TWIST2: variants seen among roughly 807,000 people sequenced by gnomAD.
TWIST2 encodes twist family bHLH transcription factor 2, also known as twist-related protein 2.
In TWIST2, 1 loss-of-function variant was observed where a neutral mutation model predicts 11.6. The observed-to-expected ratio is 0.09, with a 90% confidence interval of 0.03 to 0.41. The LOEUF is 0.41. Among genes scored for constraint, TWIST2 ranks in the 10% least tolerant of loss-of-function variants. The pLI is 0.98. For synonymous variants in TWIST2, 87 were observed against 96.6 expected (o/e 0.90, Z 0.58); for missense variants, 168 against 226.4 (o/e 0.74, Z 1.66).
intron 1 of TWIST2, among the ~76,000 whole-genome samples, chr2:238,872,865 G>A (rs1015856771): frequency 6.6e-6 from 1 of 152,202 alleles, no homozygotes; most frequent in Non-Finnish European, 1.5e-5. Flanking sequence ...ATCATGTGGG[G>A]CAGCTGCAGG....
chr2:238,899,313 C>A (rs1693242498), intron 1 of TWIST2, among the ~76,000 whole-genome samples: 1 of 152,266 alleles, frequency 6.6e-6, no homozygotes, highest in African/African-American at 2.4e-5. Flanking sequence ...GGGAAGAAAA[C>A]AGCTCCTTGC....
At chr2:238,852,949 A>T (rs1225646432) in intron 1 of TWIST2, among the ~76,000 whole-genome samples, 1 of 152,216 alleles carries the variant, frequency 6.6e-6, no homozygotes, top group Non-Finnish European at 1.5e-5. Context: ...TACTACTAAG[A>T]TTTATCTCAG....
At chr2:238,904,239 T>G (rs1312304834) in intron 1 of TWIST2, among the ~76,000 whole-genome samples, 1 of 117,258 alleles carries the variant, frequency 8.5e-6, no homozygotes, top group Admixed American at 9.5e-5. Context: ...TGATGTGGGG[T>G]GTGTGTGATG....
chr2:238,849,477 C>T (rs1228621707), intron 1 of TWIST2, among the ~76,000 whole-genome samples: 1 of 152,178 alleles, frequency 6.6e-6, no homozygotes, highest in Non-Finnish European at 1.5e-5. Context: ...CCGCGCGGAG[C>T]CCCAGGGCGC....
intron 1 of TWIST2, among the ~76,000 whole-genome samples, chr2:238,904,712 TCAA>T (rs1211035477): frequency 1.3e-5 from 2 of 152,088 alleles, no homozygotes; most frequent in African/African-American, 4.8e-5. Context: ...CTCAGCTTTT[TCAA>T]CAACTAGCAG....
intron 1 of TWIST2, among the ~76,000 whole-genome samples, chr2:238,870,160 ACACACAC>A (rs1692627581): frequency 1.4e-5 from 1 of 69,178 alleles, no homozygotes. Context: ...ACCACACCCC[ACACACAC>A]CACACACCCC....
At chr2:238,883,730 G>A (rs956413584) in intron 1 of TWIST2, among the ~76,000 whole-genome samples, 10 of 152,186 alleles carry the variant, frequency 6.6e-5, no homozygotes, top group Admixed American at 3.3e-4. Flanking sequence ...ATCCTGAGAG[G>A]ACCCTGGGGA....
intron 1 of TWIST2, among the ~76,000 whole-genome samples, chr2:238,870,576 CACA>C (rs1692660431): frequency 2.0e-5 from 1 of 51,164 alleles, no homozygotes; most frequent in Non-Finnish European, 3.9e-5. Context: ...CACCACACAC[CACA>C]CACACACACC....
chr2:238,874,902 C>G (rs1040399352), intron 1 of TWIST2, among the ~76,000 whole-genome samples: 2 of 152,138 alleles, frequency 1.3e-5, no homozygotes, highest in Non-Finnish European at 2.9e-5. Flanking sequence ...GTGCCTCCCT[C>G]TCTGCCACAC....
chr2:238,880,293 G>T (rs1431532539), intron 1 of TWIST2, among the ~76,000 whole-genome samples: 3 of 149,472 alleles, frequency 2.0e-5, no homozygotes, highest in African/African-American at 7.4e-5. Context: ...ATTAGTGTTA[G>T]TGTTATTGTT....
At chr2:238,852,442 C>T (rs1692258933) in intron 1 of TWIST2, among the ~76,000 whole-genome samples, 1 of 152,052 alleles carries the variant, frequency 6.6e-6, no homozygotes, top group Non-Finnish European at 1.5e-5. Flanking sequence ...GCAGAGAGTT[C>T]ACAAATGAGG....
chr2:238,906,415 C>T (rs1448756970), intron 1 of TWIST2, among the ~76,000 whole-genome samples: 1 of 151,670 alleles, frequency 6.6e-6, no homozygotes, highest in African/African-American at 2.4e-5. Context: ...CACGGGAAAA[C>T]ACATGCACTC....
chr2:238,888,881 T>G (rs1693084652), intron 1 of TWIST2, among the ~76,000 whole-genome samples: 1 of 152,186 alleles, frequency 6.6e-6, no homozygotes. Context: ...CAGCTATGCA[T>G]GTCACACGTG....
At chr2:238,906,795 C>T (rs1182601074) in intron 1 of TWIST2, among the ~76,000 whole-genome samples, 4 of 152,204 alleles carry the variant, frequency 2.6e-5, no homozygotes, top group Non-Finnish European at 5.9e-5. Flanking sequence ...TGGCGGCCGC[C>T]TTGGGGAGCC....
chr2:238,864,896 A>C lies in TWIST2; in HGVS notation c.*35+16163A>C, dbSNP rs1410823209. On this transcript the variant is annotated intron_variant, in intron 1 of 1. Coordinates refer to ENST00000612363, the MANE Select transcript of TWIST2 (RefSeq NM_001271893.4). This position sits in a 1 kb window ranked among gnomAD's most constrained non-coding sequence, Gnocchi z 4.7. ...GCCAGGCCAGGCCTGGAGATCCGCC[A>C]GGAGCAGAGAGCTCCGGAAGGCCTG... Among the ~76,000 whole-genome samples the C allele has an allele frequency of 6.6e-6, 1 of 152,156 alleles. No individual in the cohort carries two copies. Among genetic ancestry groups the C allele is most frequent in the African/African-American group, 2.4e-5 (1 of 41,452 alleles).
rs1242511332 is a variant in TWIST2 at position 238,863,421 on chromosome 2, T to C, written c.*35+14688T>C. Among the ~76,000 whole-genome samples the C allele has an allele frequency of 6.6e-6, 1 of 152,208 alleles. No individual in the cohort carries two copies. Among genetic ancestry groups the C allele is most frequent in the Non-Finnish European group, 1.5e-5 (1 of 68,040 alleles). On this transcript the variant is annotated intron_variant, in intron 1 of 1. Transcript: ENST00000612363. This position sits in a 1 kb window ranked among gnomAD's most constrained non-coding sequence, Gnocchi z 4.7. ...ATAATTCAGAAGGATGCACCCGGAA[T>C]GTACCAGCGCGGCTCCCTGATGGAG...
intron 1 of TWIST2, among the ~76,000 whole-genome samples, chr2:238,879,773 C>G (rs1692873114): frequency 6.6e-6 from 1 of 152,218 alleles, no homozygotes; most frequent in Non-Finnish European, 1.5e-5. Context: ...GTTCCCTGGA[C>G]CTGCAGAAGG....
chr2:238,907,083 C>T (rs1353599050), intron 1 of TWIST2, among the ~76,000 whole-genome samples: 1 of 152,246 alleles, frequency 6.6e-6, no homozygotes, highest in Non-Finnish European at 1.5e-5. Context: ...GAGCTCAGGT[C>T]TCCTGGCAGG....
At chr2:238,898,245 C>A (rs1381675813) in intron 1 of TWIST2, among the ~76,000 whole-genome samples, 1 of 152,236 alleles carries the variant, frequency 6.6e-6, no homozygotes, top group Non-Finnish European at 1.5e-5. Flanking sequence ...TAGTGTGGCC[C>A]AGCCTCAGCT....
Sources: gnomAD v4.1 joint callset for allele counts (sites outside exome capture counted in the v4.1 genomes callset) on GRCh38, gnomAD v4.1.1 for gene constraint, Gnocchi (gnomAD v3.1) non-coding constraint, MANE v1.5 for transcripts, NCBI Gene and HGNC (gene_info 2026-07-23, HGNC 2026-07-21) for gene names.